KHDRBS2: variants seen among roughly 807,000 people sequenced by gnomAD.
The protein encoded by KHDRBS2 is KH RNA binding domain containing, signal transduction associated 2.
Under a neutral mutation model 44.3 loss-of-function variants are expected in KHDRBS2, and 26 were observed. The observed-to-expected ratio is 0.59, with a 90% CI of 0.43 to 0.81. The LOEUF is 0.81. Ranked by LOEUF, KHDRBS2 falls within the 40% of genes least tolerant of loss-of-function variation. The probability of loss-of-function intolerance (pLI) is 0.00; values close to 1 mark genes in which losing one functional copy is unlikely to be tolerated. For missense variants in KHDRBS2, 476 were observed against 433.1 expected, an observed-to-expected ratio of 1.10 and a Z score of -0.88; for synonymous variants, 194 against 151.1, an observed-to-expected ratio of 1.28 and a Z score of -2.08.
At position 62,240,672 on chromosome 6, in the gene KHDRBS2, GTATATATATATATATATA is replaced by G. The variant is rs4036655; in HGVS notation, c.91+45168_91+45185del. On this transcript the variant is annotated intron_variant, in intron 1 of 8. Coordinates refer to ENST00000281156, the MANE Select transcript of KHDRBS2 (RefSeq NM_152688.4). ...TGTATGTGTGTATGTATGTGTGTGT[GTATATATATATATATATA>G]TATATATATATATATATATATATAT... 8.0e-3 allele frequency among the ~76,000 whole-genome samples: 513 copies of G among 64,158 alleles called. 6 individuals are homozygous for G. Among genetic ancestry groups the G allele is most frequent in the African/African-American group, 0.023 (432 of 18,900 alleles). 42.1% of individuals were successfully genotyped at this position (64,158 alleles called of 152,430 possible).
chr6:62,134,213 G>C (rs1810991144), intron 2 of KHDRBS2, among the ~76,000 whole-genome samples: 1 of 152,140 alleles, frequency 6.6e-6, no homozygotes, highest in African/African-American at 2.4e-5. Context: ...GCTGTGTGCA[G>C]CCTAGGGACT....
intron 6 of KHDRBS2, among the ~76,000 whole-genome samples, chr6:61,763,706 C>G (rs1432856056): frequency 6.6e-6 from 1 of 152,114 alleles, no homozygotes; most frequent in Admixed American, 6.5e-5. Context: ...TGACACCTTG[C>G]CACTTTAGAC....
chr6:61,959,996 T>C (rs1205613075), intron 4 of KHDRBS2, among the ~76,000 whole-genome samples: 1 of 152,170 alleles, frequency 6.6e-6, no homozygotes, highest in Non-Finnish European at 1.5e-5. Context: ...TCAGAAAACA[T>C]TTCATCACTA....
chr6:61,822,940 A>G (rs2127253642), intron 6 of KHDRBS2, among the ~76,000 whole-genome samples: 1 of 152,110 alleles, frequency 6.6e-6, no homozygotes, highest in Middle Eastern at 3.4e-3. Context: ...TTGTAACTCT[A>G]TATTCCACCA....
intron 4 of KHDRBS2, among the ~76,000 whole-genome samples, chr6:61,923,514 G>A (rs1161397046): frequency 1.3e-5 from 2 of 152,006 alleles, no homozygotes; most frequent in Non-Finnish European, 2.9e-5. Context: ...TGCAATATTG[G>A]TTTAATATTT....
At chr6:61,898,382 A>G (rs1472172551) in intron 5 of KHDRBS2, among the ~76,000 whole-genome samples, 1 of 152,018 alleles carries the variant, frequency 6.6e-6, no homozygotes, top group African/African-American at 2.4e-5. Flanking sequence ...CTTTACATGT[A>G]ATACATTTAA....
the KHDRBS2 span, among the ~76,000 whole-genome samples, chr6:61,589,030 A>G: frequency 1.1e-4 from 16 of 151,996 alleles, no homozygotes; most frequent in African/African-American, 3.9e-4. Context: ...ACACATGGAC[A>G]CAAGGAGGGT....
chr6:62,220,850 GAAATT>G lies in KHDRBS2; in HGVS notation c.92-43543_92-43539del, dbSNP rs371682699. 2.0e-3 allele frequency among the ~76,000 whole-genome samples: 304 copies of G among 151,862 alleles called. 10 individuals are homozygous for G. In the South Asian group the frequency reaches 0.06, roughly 30 times the overall value. The stretch of plus-strand genomic sequence containing the variant: ...TGTCAGTGACTATTTCAATGGAAAT[GAAATT>G]AAAGCTCCAATTTAAAGAAAAAATT... On this transcript the variant is annotated intron_variant, in intron 1 of 8. Coordinates refer to ENST00000281156, the MANE Select transcript of KHDRBS2 (RefSeq NM_152688.4).
rs1341905784 is a variant in KHDRBS2, at chr6:62,286,208, G to T, written c.-260C>A. On this transcript the variant is annotated 5_prime_UTR_variant, in exon 1 of 9. Transcript: ENST00000281156. ...CGGCTCACACCAGCGGCCTTAACTG[G>T]AGAGGCGGGAACAGGACGCGGCCCA... 1 of 493,186 alleles carries T rather than the reference G, an allele frequency of 2.0e-6. No homozygotes were observed. The highest frequency in any genetic ancestry group is 3.6e-6 in the Non-Finnish European group (1 of 281,410). 30.6% of individuals were successfully genotyped at this position (493,186 alleles called of 1,614,324 possible). A position where few individuals can be genotyped will look rare whatever the true frequency, so the allele number is the denominator to read the frequency against.
intron 8 of KHDRBS2, among the ~76,000 whole-genome samples, chr6:61,689,315 T>C (rs2127541050): frequency 6.6e-6 from 1 of 152,070 alleles, no homozygotes; most frequent in South Asian, 2.1e-4. Context: ...AGCACTTTCC[T>C]TTTTCCTTTG....
At chr6:61,628,362 T>C in the KHDRBS2 span, among the ~76,000 whole-genome samples, 4 of 152,010 alleles carry the variant, frequency 2.6e-5, no homozygotes, top group African/African-American at 9.7e-5. Context: ...TTTTCAGAGA[T>C]GTCTAGCTAG....
intron 6 of KHDRBS2, among the ~76,000 whole-genome samples, chr6:61,854,543 A>AGCTTTAT (rs1795895273): frequency 6.6e-6 from 1 of 152,118 alleles, no homozygotes; most frequent in Non-Finnish European, 1.5e-5. Context: ...AGCAAACTTG[A>AGCTTTAT]GCTTTATGAA....
At chr6:62,224,882 A>C (rs1240632281) in intron 1 of KHDRBS2, among the ~76,000 whole-genome samples, 3 of 152,192 alleles carry the variant, frequency 2.0e-5, no homozygotes, top group South Asian at 2.1e-4. Context: ...TCATGCTCAA[A>C]GATATCCCTA....
intron 4 of KHDRBS2, among the ~76,000 whole-genome samples, chr6:61,954,945 T>C (rs373224969): frequency 7.2e-3 from 471 of 65,246 alleles, no homozygotes; most frequent in Non-Finnish European, 0.012. Context: ...TATGTATGTG[T>C]ATACATATAT....
intron 7 of KHDRBS2, among the ~76,000 whole-genome samples, chr6:61,717,068 G>A (rs1245559830): frequency 6.6e-6 from 1 of 151,992 alleles, no homozygotes; most frequent in African/African-American, 2.4e-5. Context: ...TTTCTTGAGA[G>A]ACTTGTCATT....
chr6:61,599,872 C>A, the KHDRBS2 span, among the ~76,000 whole-genome samples: 1 of 152,132 alleles, frequency 6.6e-6, no homozygotes, highest in Non-Finnish European at 1.5e-5. Flanking sequence ...AGAGTGCTGC[C>A]ACTTGGTCAC....
chr6:61,648,182 C>T, the KHDRBS2 span, among the ~76,000 whole-genome samples: 1 of 151,902 alleles, frequency 6.6e-6, no homozygotes, highest in Non-Finnish European at 1.5e-5. Context: ...TTTAAACTAG[C>T]CCTCAATTAT....
intron 6 of KHDRBS2, among the ~76,000 whole-genome samples, chr6:61,744,753 G>C (rs374172820): frequency 6.6e-6 from 1 of 151,790 alleles, no homozygotes; most frequent in Non-Finnish European, 1.5e-5. Context: ...GTCTTCTAGA[G>C]TTCTATATAA....
At chr6:61,943,629 A>G (rs1223059804) in intron 4 of KHDRBS2, among the ~76,000 whole-genome samples, 3 of 135,100 alleles carry the variant, frequency 2.2e-5, no homozygotes, top group African/African-American at 7.9e-5. Flanking sequence ...TAGCACAGAT[A>G]ACTGAAACAA....
Sources: allele counts gnomAD v4.1 joint callset (sites outside exome capture counted in the v4.1 genomes callset), GRCh38; gene constraint gnomAD v4.1.1; transcripts MANE v1.5; gene names NCBI Gene and HGNC (gene_info 2026-07-23, HGNC 2026-07-21).